DOCK10: variants seen among roughly 807,000 people sequenced by gnomAD.
DOCK10 encodes dedicator of cytokinesis protein 10.
DOCK10 carries 145 observed loss-of-function variants against 280.1 expected under a neutral mutation model. The observed-to-expected ratio is 0.52, with a 90% CI of 0.45 to 0.59. The LOEUF is 0.59. Ranked by LOEUF, DOCK10 falls within the 20% of genes least tolerant of loss-of-function variation. The probability of loss-of-function intolerance (pLI) is 0.00; values close to 1 mark genes in which losing one functional copy is unlikely to be tolerated. For missense variants in DOCK10, 2,368 were observed against 2,651.7 expected (o/e 0.89, Z 2.35); for synonymous variants, 915 against 942.2 (o/e 0.97, Z 0.53).
intron 11 of DOCK10, among the ~76,000 whole-genome samples, 189 bp downstream of exon 11, chr2:224,873,806 TA>T (rs1299415473): frequency 1.3e-5 from 2 of 152,296 alleles, no homozygotes; most frequent in East Asian, 3.9e-4. Context: ...ATTCATACAG[TA>T]TATTATAAAG....
intron 1 of DOCK10, among the ~76,000 whole-genome samples, chr2:224,969,942 C>T (rs181028584): frequency 6.6e-6 from 1 of 152,306 alleles, no homozygotes; most frequent in East Asian, 1.9e-4. Flanking sequence ...TTGTCTACAT[C>T]TCTCCTTGTC....
Position 224,841,791 on chromosome 2 carries a change from C to T in DOCK10, c.2661+13G>A. 2 of 1,574,464 alleles carry T rather than the reference C, an allele frequency of 1.3e-6. No homozygotes were observed. Among genetic ancestry groups the T allele is most frequent in the African/African-American group, 1.3e-5 (1 of 74,234 alleles). On this transcript the variant is annotated intron_variant, in intron 23 of 55. Coordinates refer to ENST00000258390, the MANE Select transcript of DOCK10 (RefSeq NM_014689.3). ...CCCTGGAGATCACTGAAACTGCTTG[C>T]ATGTCATGTTACCTTACAAGAGCGG...
At chr2:224,884,638 T>C (rs557106090) in intron 7 of DOCK10, among the ~76,000 whole-genome samples, 14 of 152,298 alleles carry the variant, frequency 9.2e-5, no homozygotes, top group African/African-American at 1.4e-4. Flanking sequence ...GGACAATAAT[T>C]TGAAGACCAA....
At position 224,778,142 on chromosome 2, in the gene DOCK10, T is replaced by C. The variant is rs781073731; in HGVS notation, c.5798A>G (p.Asn1933Ser). Residue 1933 changes from asparagine (N) to serine (S), a missense_variant, in exon 51 of 56, where the codon AAC becomes AGC. By Grantham distance (46) the Asn-to-Ser change is conservative (BLOSUM62 1). Around this residue, in one of 2 missense-constraint regions of DOCK10, gnomAD observed 1,159 missense variants for 1,400.8 expected, o/e 0.83. Coordinates refer to ENST00000258390, the MANE Select transcript of DOCK10 (RefSeq NM_014689.3). ...TGAATACTGATTTTCCTCTACCTTGTTGGAATCCTGGATTATCTTCACATT... is the reference window on the plus strand; with the variant it reads ...TGAATACTGATTTTCCTCTACCTTGCTGGAATCCTGGATTATCTTCACATT... ...ADNVKIIQDS[N>S]KVNPKDLDPK... is the part of the protein sequence containing the mutation. The C allele has an allele frequency of 2.5e-6, 4 of 1,613,204 alleles. No homozygotes were observed. The highest frequency in any genetic ancestry group is 4.5e-5 in the East Asian group (2 of 44,832).
chr2:225,006,029 A>C (rs577198088), intron 1 of DOCK10, among the ~76,000 whole-genome samples: 1 of 152,348 alleles, frequency 6.6e-6, no homozygotes, highest in African/African-American at 2.4e-5. Flanking sequence ...GAGTGGAAAG[A>C]GTGAAGATGG....
Position 224,841,899 on chromosome 2 carries a change from A to G in DOCK10, c.2569-3T>C, listed in dbSNP as rs1695988668. 3 of 1,602,820 alleles carry G rather than the reference A, an allele frequency of 1.9e-6. No individual in the cohort carries two copies. The highest frequency in any genetic ancestry group is 2.6e-6 in the Non-Finnish European group (3 of 1,169,838). On this transcript the variant is annotated splice_region_variant and splice_polypyrimidine_tract_variant and intron_variant, in intron 22 of 55. Coordinates refer to ENST00000258390, the MANE Select transcript of DOCK10 (RefSeq NM_014689.3). ...AAAAATGCATTCACATGTGGATCCT[A>G]CAACAGCAAAAAAAAAGTATTTATT...
chr2:224,926,453 C>T (rs551913433), intron 2 of DOCK10, among the ~76,000 whole-genome samples: 1 of 152,280 alleles, frequency 6.6e-6, no homozygotes, highest in Admixed American at 6.5e-5. Context: ...GTAATCCCAG[C>T]ACTTTGAGAG....
At chr2:224,918,888 G>A (rs2125954732) in intron 2 of DOCK10, among the ~76,000 whole-genome samples, 1 of 146,672 alleles carries the variant, frequency 6.8e-6, no homozygotes, top group African/African-American at 2.5e-5. Context: ...ATATGTATGT[G>A]TGGTGTGAAT....
In DOCK10 at chr2:224,805,625, G is replaced by A. The variant is rs1252350699; in HGVS notation, c.3815-96C>T. 17 of 1,508,634 alleles carry A rather than the reference G, an allele frequency of 1.1e-5. No homozygotes were observed. The highest frequency in any genetic ancestry group is 1.5e-5 in the Non-Finnish European group (17 of 1,105,776). The allele number at this position is 1,508,634 out of a possible 1,614,324, so 93.5% of individuals were successfully genotyped here. ...GATGAACCAAAAAGATGTTGATACTGAGGTAGCAGCAGTGTTGTCAAAGAC... is the reference window on the plus strand; with the variant it reads ...GATGAACCAAAAAGATGTTGATACTAAGGTAGCAGCAGTGTTGTCAAAGAC... On this transcript the variant is annotated intron_variant, in intron 34 of 55. Coordinates refer to ENST00000258390, the MANE Select transcript of DOCK10 (RefSeq NM_014689.3). This position sits in a 1 kb window ranked among gnomAD's most constrained non-coding sequence, Gnocchi z 4.3.
rs776831786 is a variant in DOCK10 at position 224,774,916 on chromosome 2, G to C, written c.6002C>G (p.Thr2001Arg). Reference sequence around the variant, plus strand: ...CTACCTGCACCTACTTGTCAGGATCGTCCGCCGCTTGCACTGCTCCGCCAC... The same window carrying C: ...CTACCTGCACCTACTTGTCAGGATCCTCCGCCGCTTGCACTGCTCCGCCAC... Reference protein sequence around the residue: ...GGVAEQCKRRTILTTSHLFPY... With the variant: ...GGVAEQCKRRRILTTSHLFPY... Residue 2001 changes from threonine to arginine, a missense_variant, in exon 52 of 56, where the codon ACG becomes AGG. Coordinates refer to ENST00000258390, the MANE Select transcript of DOCK10 (RefSeq NM_014689.3). 6.3e-7 allele frequency: 1 copy of C among 1,593,240 alleles called. No individual in the cohort carries two copies. The highest frequency in any genetic ancestry group is 8.6e-7 in the Non-Finnish European group (1 of 1,169,292).
Position 225,042,147 on chromosome 2 carries a change from T to G in DOCK10, c.123+105A>C. The G allele has an allele frequency of 8.5e-7, 1 of 1,171,896 alleles. No homozygotes were observed. Among genetic ancestry groups the G allele is most frequent in the Non-Finnish European group, 1.1e-6 (1 of 940,142 alleles). 72.6% of individuals were successfully genotyped at this position (1,171,896 alleles called of 1,614,324 possible). A position where few individuals can be genotyped will look rare whatever the true frequency, so the allele number is the denominator to read the frequency against. On this transcript the variant is annotated intron_variant, in intron 1 of 55. Coordinates refer to ENST00000258390, the MANE Select transcript of DOCK10 (RefSeq NM_014689.3). The surrounding 1 kb of genome is among the most constrained non-coding windows in gnomAD (Gnocchi z 5.1). ...GAGGGAGTGCGGAGGAGAGGACCCG[T>G]GAGCTGCGGGGACCTGGGCCCGCCG...
Position 224,775,004 on chromosome 2 carries a change from G to A in DOCK10, c.5914C>T (p.His1972Tyr), listed in dbSNP as rs1162627750. The change falls in exon 52 of 56, where the codon CAC becomes TAC. Residue 1972 changes from histidine (H) to tyrosine (Y), a missense_variant. His to Tyr is a moderately conservative substitution (Grantham distance 83). Around this residue, in one of 2 missense-constraint regions of DOCK10, gnomAD observed 1,159 missense variants for 1,400.8 expected, o/e 0.83. Transcript: ENST00000258390. ...TCGAAGACAAAGCGGTTGATGTTGT[G>A]GTGCATTTCGAAATCTGTCTTCCGG... ...EDRKTDFEMH[H>Y]NINRFVFETP... The A allele has an allele frequency of 1.2e-6, 2 of 1,613,742 alleles. No individual in the cohort carries two copies. The highest frequency in any genetic ancestry group is 1.7e-6 in the Non-Finnish European group (2 of 1,179,790).
chr2:224,832,802 C>G (rs1695321837), intron 26 of DOCK10, among the ~76,000 whole-genome samples: 1 of 152,158 alleles, frequency 6.6e-6, no homozygotes, highest in Non-Finnish European at 1.5e-5. Context: ...GCACTCTGGC[C>G]TGCCTCCACT....
chr2:224,920,150 G>T (rs1701612051), intron 2 of DOCK10, among the ~76,000 whole-genome samples: 1 of 152,096 alleles, frequency 6.6e-6, no homozygotes, highest in Admixed American at 6.6e-5. Context: ...ACAGCTCACA[G>T]CAGCCTCGAC....
intron 28 of DOCK10, 46 bp from the exon 29 acceptor site, chr2:224,819,575 T>C: frequency 7.9e-7 from 1 of 1,269,946 alleles, no homozygotes; most frequent in Admixed American, 2.2e-5. Context: ...ACTTGAAGAA[T>C]CATTAAAGAT....
chr2:224,870,048 C>T (rs1035694013), intron 11 of DOCK10, among the ~76,000 whole-genome samples: 2 of 152,128 alleles, frequency 1.3e-5, no homozygotes, highest in Non-Finnish European at 2.9e-5. Flanking sequence ...TCTCATAATC[C>T]TCACATGTCA....
chr2:224,989,529 AAGG>A (rs1293394094), intron 1 of DOCK10, among the ~76,000 whole-genome samples: 2 of 152,184 alleles, frequency 1.3e-5, no homozygotes, highest in Admixed American at 6.5e-5. Context: ...AAGTGACCCA[AAGG>A]AGGAGAACAC....
intron 1 of DOCK10, among the ~76,000 whole-genome samples, chr2:225,016,621 G>T: frequency 1.3e-5 from 1 of 78,392 alleles, no homozygotes. Context: ...ATATCTATGT[G>T]CACATAGATA....
At chr2:224,833,342 GCTCC>G in intron 26 of DOCK10, among the ~76,000 whole-genome samples, 1 of 151,626 alleles carries the variant, frequency 6.6e-6, no homozygotes, top group South Asian at 2.1e-4. Flanking sequence ...TGCTCACTTG[GCTCC>G]AGCCACAGTG....
Sources: gnomAD v4.1 joint callset for allele counts (sites outside exome capture counted in the v4.1 genomes callset) on GRCh38, gnomAD v4.1.1 for gene constraint, gnomAD v4.1.1 regional missense constraint, Gnocchi (gnomAD v3.1) non-coding constraint, MANE v1.5 for transcripts, NCBI Gene and HGNC (gene_info 2026-07-23, HGNC 2026-07-21) for gene names.